LONP2: variants seen among roughly 807,000 people sequenced by gnomAD.
The protein encoded by LONP2 is lon protease homolog 2, peroxisomal.
Under a neutral mutation model 85.6 loss-of-function variants are expected in LONP2, and 60 were observed. That is an observed-to-expected ratio of 0.70 (90% CI 0.57 to 0.87). The LOEUF is 0.87. Among genes scored for constraint, LONP2 ranks in the 40% least tolerant of loss-of-function variants. The pLI, the probability that LONP2 is intolerant of heterozygous loss-of-function variation, is 0.00. For synonymous variants in LONP2, 395 were observed against 389.7 expected (o/e 1.01, Z -0.16); for missense variants, 860 against 1,063.5 (o/e 0.81, Z 2.66).
chr16:48,291,380 T>C (rs1188151329), intron 8 of LONP2, among the ~76,000 whole-genome samples: 1 of 152,302 alleles, frequency 6.6e-6, no homozygotes, highest in East Asian at 1.9e-4. Flanking sequence ...AGTTACCTAG[T>C]CTTGTGTAAT....
At chr16:48,327,073 G>A (rs1959259367) in intron 11 of LONP2, among the ~76,000 whole-genome samples, 1 of 152,206 alleles carries the variant, frequency 6.6e-6, no homozygotes, top group Admixed American at 6.5e-5. Flanking sequence ...CTCTCACTTG[G>A]CTCACAGCCA....
rs150981618 is a variant in LONP2 at position 48,244,380 on chromosome 16, G to C, written c.-9G>C. ...TTTTTGACAGCCCCCAGTGCGAAAG[G>C]CTGCCAGCATGTCATCAGTGAGCCC... On this transcript the variant is annotated 5_prime_UTR_variant, in exon 1 of 15. Transcript: ENST00000285737. 1 of 1,531,338 alleles carries C rather than the reference G, an allele frequency of 6.5e-7. No homozygotes were observed. Among genetic ancestry groups the C allele is most frequent in the Non-Finnish European group, 8.8e-7 (1 of 1,142,292 alleles). 94.9% of individuals were successfully genotyped at this position (1,531,338 alleles called of 1,614,324 possible). A position where few individuals can be genotyped will look rare whatever the true frequency, so the allele number is the denominator to read the frequency against.
At chr16:48,252,084 C>A in intron 1 of LONP2, 47 bp from the exon 2 acceptor site, 1 of 1,361,612 alleles carries the variant, frequency 7.3e-7, no homozygotes, top group Non-Finnish European at 9.9e-7. Flanking sequence ...AGTTTCTGTT[C>A]TACCGTATTG....
At position 48,356,531 on chromosome 16, in the gene LONP2, A is replaced by T. The variant is rs1286960616; in HGVS notation, c.*4729A>T. The T allele has an allele frequency of 6.4e-6, 1 of 155,946 alleles. No homozygotes were observed. The highest frequency in any genetic ancestry group is 2.4e-5 in the African/African-American group (1 of 41,578). The allele number at this position is 155,946 out of a possible 1,614,324, so 9.7% of individuals were successfully genotyped here. On this transcript the variant is annotated 3_prime_UTR_variant, in exon 15 of 15. Transcript: ENST00000285737. The stretch of plus-strand genomic sequence containing the variant: ...AGCAGCTAAAAAAAAAAAAAAAAAA[A>T]AAGACTACAGTTAGTCATTATCCAA...
At chr16:48,271,508 CT>C (rs1972105048) in intron 7 of LONP2, among the ~76,000 whole-genome samples, 1 of 152,182 alleles carries the variant, frequency 6.6e-6, no homozygotes, top group South Asian at 2.1e-4. Context: ...GGATGGGAAA[CT>C]GTTTCAGAAA....
At chr16:48,253,674 A>C (rs1016124314) in intron 2 of LONP2, among the ~76,000 whole-genome samples, 2 of 152,134 alleles carry the variant, frequency 1.3e-5, no homozygotes, top group Non-Finnish European at 2.9e-5. Flanking sequence ...TTGGACATAG[A>C]TAGCTTCATA....
At chr16:48,252,096 ATGTT>A (rs1318154411) in intron 1 of LONP2, 31 bp from the exon 2 acceptor site, 2 of 1,464,188 alleles carry the variant, frequency 1.4e-6, no homozygotes. Flanking sequence ...ACCGTATTGA[ATGTT>A]TGTAATACCG....
intron 4 of LONP2, among the ~76,000 whole-genome samples, chr16:48,260,608 A>G (rs1218265629): frequency 1.3e-5 from 2 of 152,180 alleles, no homozygotes; most frequent in Non-Finnish European, 2.9e-5. Flanking sequence ...CAAAAAATAA[A>G]ATGTTCTGGG....
chr16:48,342,989 G>A (rs534166350), intron 12 of LONP2, among the ~76,000 whole-genome samples: 51 of 152,298 alleles, frequency 3.3e-4, no homozygotes, highest in African/African-American at 1.2e-3. Flanking sequence ...CTTGACATCT[G>A]CTGGCAAACT....
chr16:48,308,933 A>T (rs1221096752), intron 11 of LONP2, among the ~76,000 whole-genome samples: 1 of 152,200 alleles, frequency 6.6e-6, no homozygotes, highest in Non-Finnish European at 1.5e-5. Flanking sequence ...TCTACAAGGA[A>T]CTCAAGCAAC....
chr16:48,277,253 C>G (rs190490542), intron 7 of LONP2, 85 bp from the exon 8 acceptor site: 2 of 1,340,976 alleles, frequency 1.5e-6, no homozygotes, highest in East Asian at 4.7e-5. Flanking sequence ...ATGATCTTTT[C>G]ACATTCCTAA....
intron 11 of LONP2, among the ~76,000 whole-genome samples, chr16:48,321,820 G>A (rs758684152): frequency 6.6e-6 from 1 of 152,220 alleles, no homozygotes; most frequent in Non-Finnish European, 1.5e-5. Flanking sequence ...TGCAGGACTG[G>A]AAGTAGCTCT....
chr16:48,264,951 TTTTG>T (rs796076101), intron 6 of LONP2, among the ~76,000 whole-genome samples: 4 of 152,090 alleles, frequency 2.6e-5, no homozygotes, highest in Admixed American at 6.5e-5. Context: ...ATGATGGTTT[TTTTG>T]TTTGTTTGTT....
Position 48,315,452 on chromosome 16 carries a change from G to C in LONP2, c.1795+12147G>C, listed in dbSNP as rs145575349. 1.8e-3 allele frequency among the ~76,000 whole-genome samples: 277 copies of C among 152,274 alleles called. 1 individual carries two copies. The highest frequency in any genetic ancestry group is 6.4e-3 in the African/African-American group (264 of 41,550). On this transcript the variant is annotated intron_variant, in intron 11 of 14. Transcript: ENST00000285737. ...GCCAGCTTCTGACAGGAACCTTCTT[G>C]CTGCATCTTCACATGGCAGAAGGGC...
chr16:48,273,971 G>C (rs1972154545), intron 7 of LONP2, among the ~76,000 whole-genome samples: 1 of 152,136 alleles, frequency 6.6e-6, no homozygotes. Context: ...AAATGGTAAA[G>C]TTATAAATAA....
intron 12 of LONP2, among the ~76,000 whole-genome samples, chr16:48,341,583 T>G (rs942388320): frequency 1.3e-5 from 2 of 152,096 alleles, no homozygotes; most frequent in Non-Finnish European, 2.9e-5. Flanking sequence ...AGGCCCCACC[T>G]CCAGCACTGA....
chr16:48,259,462 G>C (rs963420958), intron 4 of LONP2, among the ~76,000 whole-genome samples: 7 of 152,202 alleles, frequency 4.6e-5, no homozygotes, highest in Middle Eastern at 3.4e-3. Context: ...TTTATGTCTG[G>C]ACAGAGTTTA....
chr16:48,306,859 T>TA (rs1972922335), intron 11 of LONP2, among the ~76,000 whole-genome samples: 1 of 152,156 alleles, frequency 6.6e-6, no homozygotes, highest in Non-Finnish European at 1.5e-5. Flanking sequence ...AGACAGTTGT[T>TA]TTAGAAACTT....
intron 11 of LONP2, among the ~76,000 whole-genome samples, chr16:48,314,120 G>T (rs1387753411): frequency 6.6e-6 from 1 of 150,658 alleles, no homozygotes; most frequent in East Asian, 1.9e-4. Context: ...AGAAGTGTCT[G>T]TTCATGTCCC....
Sources: allele counts gnomAD v4.1 joint callset (sites outside exome capture counted in the v4.1 genomes callset), GRCh38; gene constraint gnomAD v4.1.1; transcripts MANE v1.5; gene names NCBI Gene and HGNC (gene_info 2026-07-23, HGNC 2026-07-21).